The following CLCN3 variants were observed in gnomAD, a reference collection of about 807,000 sequenced individuals.
CLCN3 encodes the protein Cl-/H+ antiporter 3, also known as H(+)/Cl(-) exchange transporter 3.
In CLCN3, 16 loss-of-function variants were observed where a neutral mutation model predicts 83.4. The observed-to-expected ratio is 0.19, with a 90% confidence interval of 0.13 to 0.29. The LOEUF (loss-of-function observed/expected upper bound fraction) is 0.29, where lower values mean the gene tolerates loss of function less well. CLCN3 is among the 10% of genes least tolerant of loss of function. The pLI, the probability that CLCN3 is intolerant of heterozygous loss-of-function variation, is 1.00. For synonymous variants in CLCN3, 322 were observed against 346.2 expected (o/e 0.93, Z 0.78); for missense variants, 544 against 1,006.0 (o/e 0.54, Z 6.21).
intron 6 of CLCN3, among the ~76,000 whole-genome samples, chr4:169,691,038 G>A (rs924005507): frequency 7.3e-5 from 11 of 151,636 alleles, no homozygotes; most frequent in Admixed American, 5.9e-4. Flanking sequence ...TTGTGCTGTC[G>A]CCCAGACTGG....
At chr4:169,701,757 A>T (rs191811423) in intron 9 of CLCN3, among the ~76,000 whole-genome samples, 322 of 152,342 alleles carry the variant, frequency 2.1e-3, no homozygotes, top group Admixed American at 5.0e-3. Context: ...CACTTGAAAG[A>T]GGGCCAAGTG....
At chr4:169,663,121 A>G (rs1346607461) in intron 2 of CLCN3, 2 of 61,330 alleles carry the variant, frequency 3.3e-5, no homozygotes, top group African/African-American at 7.0e-5. Context: ...CAGAGTGAGC[A>G]TATATGTGTG....
At position 169,719,927 on chromosome 4, in the gene CLCN3, C is replaced by CA; in HGVS notation, c.2394dup (p.Asp799ArgfsTer44). 1 of 1,611,906 alleles carries CA rather than the reference C, an allele frequency of 6.2e-7. No individual in the cohort carries two copies. The highest frequency in any genetic ancestry group is 8.5e-7 in the Non-Finnish European group (1 of 1,179,436). ...TTCAGGCGCCTCCTTGGCATTATAA[C>CA]AAAAAAAGATATCCTCCGGCATATG... On this transcript the variant is annotated frameshift_variant, in exon 13 of 13. Transcript: ENST00000513761. LOFTEE classifies it high-confidence loss of function.
At chr4:169,649,412 G>A (rs938950139) in intron 2 of CLCN3, among the ~76,000 whole-genome samples, 4 of 152,214 alleles carry the variant, frequency 2.6e-5, no homozygotes, top group African/African-American at 9.7e-5. Flanking sequence ...CAGAGGCCAT[G>A]TGGGCAAATG....
chr4:169,624,950 C>T (rs1307892745), intron 1 of CLCN3, among the ~76,000 whole-genome samples: 1 of 152,002 alleles, frequency 6.6e-6, no homozygotes, highest in Non-Finnish European at 1.5e-5. Flanking sequence ...CGCCACCATG[C>T]CCGGCTAATT....
chr4:169,645,830 C>T (rs903512161), intron 2 of CLCN3, among the ~76,000 whole-genome samples: 6 of 152,156 alleles, frequency 3.9e-5, no homozygotes, highest in Non-Finnish European at 8.8e-5. Flanking sequence ...AAGGGCCCCT[C>T]GTATGTAGTA....
In CLCN3 at chr4:169,653,640, CA is replaced by C. The variant is rs70964215; in HGVS notation, c.160+17573del. Among the ~76,000 whole-genome samples the C allele has an allele frequency of 9.4e-4, 69 of 73,568 alleles. No homozygotes were observed. The South Asian group carries it at 0.019, about 20-fold the overall frequency. The allele number at this position is 73,568 out of a possible 152,430, so 48.3% of individuals were successfully genotyped here. A position where few individuals can be genotyped will look rare whatever the true frequency, so the allele number is the denominator to read the frequency against. ...TGGGTGACAGAGTGAGACTCCGTCT[CA>C]AAAAAAAAAAAAAAAAAAAAGGAAA... is the stretch of plus-strand genomic sequence containing the variant. On this transcript the variant is annotated intron_variant, in intron 2 of 12. Transcript: ENST00000513761.
At chr4:169,701,187 CACA>C (rs1490692955) in intron 9 of CLCN3, among the ~76,000 whole-genome samples, 1 of 152,224 alleles carries the variant, frequency 6.6e-6, no homozygotes, top group Non-Finnish European at 1.5e-5. Flanking sequence ...TAACAATGTT[CACA>C]ACATCTTTAC....
intron 2 of CLCN3, among the ~76,000 whole-genome samples, chr4:169,669,577 T>C (rs1731380922): frequency 6.6e-6 from 1 of 152,248 alleles, no homozygotes; most frequent in African/African-American, 2.4e-5. Flanking sequence ...GTGCATTTAA[T>C]GATGTGAAAT....
chr4:169,673,676 T>C (rs1487790016), intron 2 of CLCN3, among the ~76,000 whole-genome samples: 1 of 152,090 alleles, frequency 6.6e-6, no homozygotes, highest in Non-Finnish European at 1.5e-5. Context: ...TATTTCATAG[T>C]AGGCTTTTTC....
At chr4:169,665,980 G>GT (rs71590023) in intron 2 of CLCN3, among the ~76,000 whole-genome samples, 25,656 of 144,952 alleles carry the variant, frequency 0.18, 2,775 homozygotes, top group South Asian at 0.31. Flanking sequence ...AGGTTGTGTT[G>GT]TTTTTTTTTT....
intron 12 of CLCN3, among the ~76,000 whole-genome samples, chr4:169,716,902 T>A (rs1733442662): frequency 6.6e-6 from 1 of 152,192 alleles, no homozygotes; most frequent in Non-Finnish European, 1.5e-5. Flanking sequence ...TGTCCAGTCA[T>A]CCTGAAGGGT....
Position 169,690,444 on chromosome 4 carries a change from C to T in CLCN3, c.607-86C>T, listed in dbSNP as rs568627432. On this transcript the variant is annotated intron_variant, in intron 5 of 12. Coordinates refer to ENST00000513761, the MANE Select transcript of CLCN3 (RefSeq NM_001829.4). ...ACAGGCGTGAGCCACCATGCCTGGC[C>T]GTTTACTGAAGTTTCTTATGACAAG... is the stretch of plus-strand genomic sequence containing the variant. 6.0e-5 allele frequency: 83 copies of T among 1,388,268 alleles called. No individual in the cohort carries two copies. The East Asian group carries it at 9.2e-4, about 15-fold the overall frequency. 86.0% of individuals were successfully genotyped at this position (1,388,268 alleles called of 1,614,324 possible). A position where few individuals can be genotyped will look rare whatever the true frequency, so the allele number is the denominator to read the frequency against.
chr4:169,667,289 A>G (rs1241881271), intron 2 of CLCN3, among the ~76,000 whole-genome samples: 19 of 151,024 alleles, frequency 1.3e-4, no homozygotes, highest in Non-Finnish European at 1.5e-5. Flanking sequence ...TTAAAGAATA[A>G]TGAATCCTTT....
intron 10 of CLCN3, 35 bp from the exon 11 acceptor site, chr4:169,706,833 G>C (rs1242735752): frequency 6.4e-7 from 1 of 1,569,940 alleles, no homozygotes; most frequent in Non-Finnish European, 8.7e-7. Flanking sequence ...TGAGGATCCT[G>C]TCCTTCCTGA....
intron 2 of CLCN3, among the ~76,000 whole-genome samples, chr4:169,638,849 C>T (rs1384238762): frequency 2.0e-5 from 3 of 152,098 alleles, no homozygotes; most frequent in Admixed American, 2.0e-4. Flanking sequence ...GTGTCACTGG[C>T]CATAATTGGG....
intron 8 of CLCN3, 75 bp downstream of exon 8, chr4:169,695,767 G>A (rs2062609): frequency 1 from 1,052,542 of 1,055,714 alleles, 524,740 homozygotes; most frequent in East Asian, 1. Context: ...TTTCAGTTTT[G>A]TAGGTGATGT....
At chr4:169,628,875 C>A (rs1448835217) in intron 1 of CLCN3, among the ~76,000 whole-genome samples, 1 of 152,116 alleles carries the variant, frequency 6.6e-6, no homozygotes, top group Admixed American at 6.5e-5. Context: ...TTCATAGTCA[C>A]CAAAACATAG....
intron 2 of CLCN3, among the ~76,000 whole-genome samples, chr4:169,669,675 G>T (rs1345518777): frequency 6.6e-6 from 1 of 152,076 alleles, no homozygotes; most frequent in African/African-American, 2.4e-5. Flanking sequence ...AAATATAAAA[G>T]GCTGAAGCCA....
Sources: gnomAD v4.1 joint callset for allele counts (sites outside exome capture counted in the v4.1 genomes callset) on GRCh38, gnomAD v4.1.1 for gene constraint, MANE v1.5 for transcripts, NCBI Gene and HGNC (gene_info 2026-07-23, HGNC 2026-07-21) for gene names.